TAB3: variants seen among roughly 807,000 people sequenced by gnomAD.
The protein encoded by TAB3 is TGF-beta activated kinase 1 (MAP3K7) binding protein 3.
In TAB3, 18 loss-of-function variants were observed where a neutral mutation model predicts 48.1. The observed-to-expected ratio is 0.37, with a 90% CI of 0.26 to 0.55. The LOEUF (loss-of-function observed/expected upper bound fraction) is 0.55. Among genes scored for constraint, TAB3 ranks in the 20% least tolerant of loss-of-function variants. The probability of loss-of-function intolerance (pLI) is 0.78; values close to 1 mark genes in which losing one functional copy is unlikely to be tolerated. For synonymous variants in TAB3, 185 were observed against 190.2 expected, an observed-to-expected ratio of 0.97 and a Z score of 0.22; for missense variants, 414 against 549.8, an observed-to-expected ratio of 0.75 and a Z score of 2.47.
intron 9 of TAB3, among the ~76,000 whole-genome samples, chrX:30,841,457 C>A (rs1216396601): frequency 9.2e-6 from 1 of 108,229 alleles, no homozygotes; most frequent in African/African-American, 3.4e-5. Context: ...AAATGTAGAT[C>A]AGATGAAACA....
At chrX:30,865,207 C>T (rs1939370456) in intron 4 of TAB3, among the ~76,000 whole-genome samples, 1 of 111,996 alleles carries the variant, frequency 8.9e-6, no homozygotes, top group Non-Finnish European at 1.9e-5. Flanking sequence ...ATTCTGGCCC[C>T]GCCCATAAAA....
At chrX:30,835,164 A>G (rs1601794491) in intron 9 of TAB3, 1 of 123,200 alleles carries the variant, frequency 8.1e-6, no homozygotes, top group African/African-American at 3.3e-5. Flanking sequence ...ATTAAAAATG[A>G]AAAATGGCAG....
chrX:30,848,770 A>T (rs1938723240), intron 7 of TAB3, among the ~76,000 whole-genome samples: 1 of 111,719 alleles, frequency 9.0e-6, no homozygotes, highest in Non-Finnish European at 1.9e-5. Flanking sequence ...GGATGTTTGT[A>T]GCCAACATTT....
intron 2 of TAB3, among the ~76,000 whole-genome samples, chrX:30,868,890 G>A (rs1457519197): frequency 1.9e-5 from 2 of 105,948 alleles, no homozygotes; most frequent in Non-Finnish European, 3.9e-5. Context: ...ATTTAATTTT[G>A]CAGTTTACCA....
chrX:30,883,139 C>T (rs979953855), intron 1 of TAB3, among the ~76,000 whole-genome samples: 1 of 110,556 alleles, frequency 9.0e-6, no homozygotes, highest in African/African-American at 3.3e-5. Flanking sequence ...TAAAATAAAC[C>T]CCCCTAAACC....
chrX:30,836,252 T>C (rs1220301578), intron 9 of TAB3: 3 of 111,879 alleles, frequency 2.7e-5, no homozygotes, highest in Non-Finnish European at 5.6e-5. Context: ...CAATAATATA[T>C]ATTATTATAG....
intron 2 of TAB3, among the ~76,000 whole-genome samples, chrX:30,868,312 T>TATATATATATATATA (rs1410557148): frequency 0.035 from 84 of 2,409 alleles, 27 homozygotes; most frequent in Non-Finnish European, 0.057. Flanking sequence ...TATATATATA[T>TATATATATATATATA]AGCTTATATA....
chrX:30,839,938 ATATAT>A lies in TAB3; in HGVS notation c.1888+3023_1888+3027del, dbSNP rs1569204493. ...ATTATATATATATATATATATATAT[ATATAT>A]AATATATATTAAAAAAACACACACT... On this transcript the variant is annotated intron_variant, in intron 9 of 10. Transcript: ENST00000288422. Among the ~76,000 whole-genome samples, 145 of 65,062 alleles carry A rather than the reference ATATAT, an allele frequency of 2.2e-3. 1 individual carries two copies. Among genetic ancestry groups the A allele is most frequent in the African/African-American group, 6.8e-3 (135 of 19,812 alleles). 56.5% of individuals were successfully genotyped at this position (65,062 alleles called of 115,157 possible).
At chrX:30,874,931 G>A (rs1184424556) in intron 1 of TAB3, among the ~76,000 whole-genome samples, 1 of 112,085 alleles carries the variant, frequency 8.9e-6, no homozygotes, top group African/African-American at 3.2e-5. Context: ...GAGAGAAAGG[G>A]ACTGTATGTG....
chrX:30,844,550 T>G (rs1938561309), intron 8 of TAB3: 2 of 112,362 alleles, frequency 1.8e-5, no homozygotes, highest in Admixed American at 1.9e-4. Context: ...CCTAACCAAA[T>G]GTTTTACTGT....
Position 30,831,347 on chromosome X carries a change from A to G in TAB3, c.*80T>C. ...AATCGAAAATGAAAAGGCTGGGTGG[A>G]TGAATAGAGTCCCGAGGTTTCCTTT... On this transcript the variant is annotated 3_prime_UTR_variant, in exon 11 of 11. Transcript: ENST00000288422. 9.4e-7 allele frequency: 1 copy of G among 1,062,795 alleles called. No homozygotes were observed. Among genetic ancestry groups the G allele is most frequent in the Non-Finnish European group, 1.3e-6 (1 of 798,435 alleles). 87.6% of individuals were successfully genotyped at this position (1,062,795 alleles called of 1,213,427 possible). A position where few individuals can be genotyped will look rare whatever the true frequency, so the allele number is the denominator to read the frequency against.
At position 30,830,439 on chromosome X, in the gene TAB3, C is replaced by T. The variant is rs906943659; in HGVS notation, c.*988G>A. The T allele has an allele frequency of 9.2e-6, 1 of 108,975 alleles. No individual in the cohort carries two copies. The highest frequency in any genetic ancestry group is 2.9e-4 in the East Asian group (1 of 3,460). The allele number at this position is 108,975 out of a possible 1,213,427, so 9.0% of individuals were successfully genotyped here. A position where few individuals can be genotyped will look rare whatever the true frequency, so the allele number is the denominator to read the frequency against. On this transcript the variant is annotated 3_prime_UTR_variant, in exon 11 of 11. Coordinates refer to ENST00000288422, the MANE Select transcript of TAB3 (RefSeq NM_152787.5). Reference sequence around the variant, plus strand: ...TGTGCTGTAAACATCATGAATTTATCACAAAATTGGAAGGAAAAAAAAAAG... The same window carrying T: ...TGTGCTGTAAACATCATGAATTTATTACAAAATTGGAAGGAAAAAAAAAAG...
chrX:30,884,278 T>C (rs1290504973), intron 1 of TAB3, among the ~76,000 whole-genome samples: 2 of 112,028 alleles, frequency 1.8e-5, no homozygotes, highest in African/African-American at 6.5e-5. Context: ...GACAACGTAA[T>C]AATAAGAACT....
chrX:30,868,466 GCTTATATATAT>G (rs1939524093), intron 2 of TAB3, among the ~76,000 whole-genome samples: 2 of 18,096 alleles, frequency 1.1e-4, no homozygotes, highest in Admixed American at 9.1e-4. Flanking sequence ...TATATATATA[GCTTATATATAT>G]AGCTTATATA....
At chrX:30,843,205 T>C (rs776480671) in intron 8 of TAB3, 156 bp from the exon 9 acceptor site, 62 of 402,271 alleles carry the variant, frequency 1.5e-4, no homozygotes, top group African/African-American at 1.3e-3. Context: ...CCCAATGAAA[T>C]TGTGTTTTCA....
chrX:30,845,769 GATTTGC>G, intron 8 of TAB3: 1 of 169,250 alleles, frequency 5.9e-6, no homozygotes, highest in South Asian at 1.5e-4. Flanking sequence ...TTTTTTGAGT[GATTTGC>G]CTTTGGCTTT....
chrX:30,853,444 G>A (rs1223176761), intron 6 of TAB3, among the ~76,000 whole-genome samples: 1 of 111,813 alleles, frequency 8.9e-6, no homozygotes, highest in Non-Finnish European at 1.9e-5. Context: ...ATATCATTAT[G>A]CCCTCTGGGC....
At chrX:30,859,233 T>C (rs1939171149) in intron 5 of TAB3, among the ~76,000 whole-genome samples, 1 of 110,916 alleles carries the variant, frequency 9.0e-6, no homozygotes, top group Admixed American at 9.6e-5. Flanking sequence ...GCTATTGTTA[T>C]TTACTGGGTA....
chrX:30,866,123 CTA>C (rs1246141657), intron 4 of TAB3, among the ~76,000 whole-genome samples: 123 of 111,608 alleles, frequency 1.1e-3, no homozygotes, highest in African/African-American at 3.9e-3. Flanking sequence ...AAGAGATATA[CTA>C]TGAGACTGAA....
Sources: gnomAD v4.1 joint callset for allele counts (sites outside exome capture counted in the v4.1 genomes callset) on GRCh38, gnomAD v4.1.1 for gene constraint, MANE v1.5 for transcripts, NCBI Gene and HGNC (gene_info 2026-07-23, HGNC 2026-07-21) for gene names.